Variants in BCR observed in about 807,000 individuals in gnomAD.
BCR encodes BCR activator of RhoGEF and GTPase.
A neutral mutation model predicts 138.6 loss-of-function variants in BCR; 58 were observed. The observed-to-expected ratio is 0.42, with a 90% CI of 0.34 to 0.52. BCR has a LOEUF of 0.52. Ranked by LOEUF, BCR falls within the 20% of genes least tolerant of loss-of-function variation. The pLI, the probability that BCR is intolerant of heterozygous loss-of-function variation, is 0.06. For synonymous variants in BCR, 786 were observed against 730.1 expected, an observed-to-expected ratio of 1.08 and a Z score of -1.23; for missense variants, 1,599 against 1,727.2, an observed-to-expected ratio of 0.93 and a Z score of 1.32.
At chr22:23,203,013 A>G (rs1396462433) in intron 1 of BCR, among the ~76,000 whole-genome samples, 1 of 151,938 alleles carries the variant, frequency 6.6e-6, no homozygotes, top group African/African-American at 2.4e-5. Context: ...GCACATCACT[A>G]CACTCATCTG....
chr22:23,182,334 G>T, intron 1 of BCR, 95 bp downstream of exon 1: 15 of 1,374,752 alleles, frequency 1.1e-5, no homozygotes, highest in Non-Finnish European at 1.4e-5. Context: ...GGAGGGAGGA[G>T]TGGATAGTTT....
rs139069908 is a variant in BCR at position 23,296,682 on chromosome 22, C to T, written c.3012+1527C>T. 6.7e-3 allele frequency among the ~76,000 whole-genome samples: 1,024 copies of T among 152,348 alleles called. 9 individuals are homozygous for T. The highest frequency in any genetic ancestry group is 0.021 in the South Asian group (102 of 4,828). On this transcript the variant is annotated intron_variant, in intron 16 of 22. Coordinates refer to ENST00000305877, the MANE Select transcript of BCR (RefSeq NM_004327.4). ...AGCAAAAAGACTCCTCTGGCACATG[C>T]CTGTATTCCAGCTACTCAGGACGCT...
At chr22:23,183,179 T>C (rs1376304627) in intron 1 of BCR, among the ~76,000 whole-genome samples, 1 of 152,220 alleles carries the variant, frequency 6.6e-6, no homozygotes, top group Non-Finnish European at 1.5e-5. Context: ...TTTTGGGTCA[T>C]GGGACTATGT....
intron 1 of BCR, among the ~76,000 whole-genome samples, chr22:23,205,083 A>T (rs570339615): frequency 6.6e-6 from 1 of 152,218 alleles, no homozygotes. Context: ...ACAGCCTCCC[A>T]GCCTTTTGCA....
intron 8 of BCR, among the ~76,000 whole-genome samples, chr22:23,275,482 C>A (rs561689497): frequency 1.3e-5 from 2 of 152,194 alleles, no homozygotes; most frequent in African/African-American, 4.8e-5. Flanking sequence ...GCATTGAAGG[C>A]GGAAGTGGGT....
chr22:23,272,105 A>G (rs1181877722), intron 6 of BCR, among the ~76,000 whole-genome samples: 1 of 152,192 alleles, frequency 6.6e-6, no homozygotes, highest in Non-Finnish European at 1.5e-5. Flanking sequence ...GGTGTGAGCT[A>G]CCGCACCTGG....
At position 23,219,326 on chromosome 22, in the gene BCR, T is replaced by G. The variant is rs898239193; in HGVS notation, c.1280-34473T>G. Among the ~76,000 whole-genome samples the G allele has an allele frequency of 1.2e-4, 18 of 152,186 alleles. 1 individual carries two copies. Among genetic ancestry groups the G allele is most frequent in the Admixed American group, 2.6e-4 (4 of 15,284 alleles). On this transcript the variant is annotated intron_variant, in intron 1 of 22. Transcript: ENST00000305877. Reference sequence around the variant, plus strand: ...TGGCATTTTCAAGCTCTGTTCCTTATGTTAGACGATGTTGTTTTAGCACAA... The same window carrying G: ...TGGCATTTTCAAGCTCTGTTCCTTAGGTTAGACGATGTTGTTTTAGCACAA...
chr22:23,285,340 T>G, intron 10 of BCR, 139 bp downstream of exon 10: 1 of 941,632 alleles, frequency 1.1e-6, no homozygotes, highest in Non-Finnish European at 1.5e-6. Flanking sequence ...CTCTCAGCTC[T>G]TGGAGGGCTG....
chr22:23,309,697 C>T, intron 17 of BCR: 1 of 573,736 alleles, frequency 1.7e-6, no homozygotes, highest in Non-Finnish European at 3.2e-6. Flanking sequence ...CCTGAGCATC[C>T]CTCCTCAAAC....
rs768981157 is a variant in BCR at position 23,229,124 on chromosome 22, A to G, written c.1280-24675A>G. On this transcript the variant is annotated intron_variant, in intron 1 of 22. Transcript: ENST00000305877. Reference sequence around the variant, plus strand: ...ATCTATCTTTAAGTTCACTGACTCCATTGTCATCTCCATTCTGCTGTTGAA... The same window carrying G: ...ATCTATCTTTAAGTTCACTGACTCCGTTGTCATCTCCATTCTGCTGTTGAA... 2.6e-5 allele frequency among the ~76,000 whole-genome samples: 4 copies of G among 151,738 alleles called. No homozygotes were observed. The South Asian group carries it at 6.2e-4, about 24-fold the overall frequency.
At chr22:23,204,205 CATCCCAGCTCATGGATTATGGAGCTG>C (rs71749291) in intron 1 of BCR, among the ~76,000 whole-genome samples, 160 of 152,280 alleles carry the variant, frequency 1.1e-3, no homozygotes, top group African/African-American at 3.7e-3. Flanking sequence ...CAGTTTTAGC[CATCCCAGCTCATGGATTATGGAGCTG>C]GGACCCACGC....
chr22:23,207,062 C>T (rs2072625654), intron 1 of BCR, among the ~76,000 whole-genome samples: 1 of 151,502 alleles, frequency 6.6e-6, no homozygotes, highest in Non-Finnish European at 1.5e-5. Context: ...TCCATCCAAA[C>T]ATGCATCCAT....
intron 16 of BCR, among the ~76,000 whole-genome samples, chr22:23,296,539 G>T (rs1329900686): frequency 6.6e-6 from 1 of 152,162 alleles, no homozygotes; most frequent in African/African-American, 2.4e-5. Flanking sequence ...ACCCTGGCCT[G>T]GCTGGCCACA....
At chr22:23,285,368 A>T (rs1209059091) in intron 10 of BCR, among the ~76,000 whole-genome samples, 167 bp downstream of exon 10, 1 of 152,200 alleles carries the variant, frequency 6.6e-6, no homozygotes, top group Non-Finnish European at 1.5e-5. Flanking sequence ...GGGCACAACT[A>T]GGTGTCCAGT....
In BCR at chr22:23,273,841, G is replaced by A. The variant is rs150447010; in HGVS notation, c.2115+67G>A. On this transcript the variant is annotated intron_variant, in intron 8 of 22. Coordinates refer to ENST00000305877, the MANE Select transcript of BCR (RefSeq NM_004327.4). Reference sequence around the variant, plus strand: ...GAGCTGGGGGCATGCAGGGCCCCTCGATCTGAGGTCTGGAGCCCTTCCTGG... The same window carrying A: ...GAGCTGGGGGCATGCAGGGCCCCTCAATCTGAGGTCTGGAGCCCTTCCTGG... The A allele has an allele frequency of 2.0e-4, 313 of 1,596,190 alleles. No individual in the cohort carries two copies. The African/African-American group carries it at 3.5e-3, about 18-fold the overall frequency.
chr22:23,240,218 G>A (rs2073073464), intron 1 of BCR, among the ~76,000 whole-genome samples: 1 of 152,014 alleles, frequency 6.6e-6, no homozygotes. Context: ...TAGGACTTCA[G>A]CATATGAATT....
intron 8 of BCR, among the ~76,000 whole-genome samples, chr22:23,275,945 G>C (rs1031952810): frequency 6.6e-6 from 1 of 152,172 alleles, no homozygotes; most frequent in African/African-American, 2.4e-5. Context: ...TCAGTGCTCG[G>C]ATCATTGGAA....
At chr22:23,223,417 G>A (rs1187780386) in intron 1 of BCR, among the ~76,000 whole-genome samples, 1 of 152,172 alleles carries the variant, frequency 6.6e-6, no homozygotes, top group Non-Finnish European at 1.5e-5. Context: ...CTTGAGGCTG[G>A]GCTTTGGGCT....
chr22:23,180,988 G>C lies in BCR; in HGVS notation c.28G>C (p.Ala10Pro). ...GGTGGACCCGGTGGGCTTCGCGGAG[G>C]CGTGGAAGGCGCAGTTCCCGGACTC... The part of the protein sequence containing the change: MVDPVGFAE[A>P]WKAQFPDSEP... Residue 10 changes from alanine to proline, a missense_variant, in exon 1 of 23, where the codon GCG becomes CCG. This residue lies in a region of BCR where 806 missense variants were observed against 635.0 expected (regional missense o/e 1.27). Coordinates refer to ENST00000305877, the MANE Select transcript of BCR (RefSeq NM_004327.4). The C allele has an allele frequency of 6.9e-7, 1 of 1,441,672 alleles. No individual in the cohort carries two copies. The allele number at this position is 1,441,672 out of a possible 1,614,324, so 89.3% of individuals were successfully genotyped here.
Sources: gnomAD v4.1 joint callset for allele counts (sites outside exome capture counted in the v4.1 genomes callset) on GRCh38, gnomAD v4.1.1 for gene constraint, gnomAD v4.1.1 regional missense constraint, MANE v1.5 for transcripts, NCBI Gene and HGNC (gene_info 2026-07-23, HGNC 2026-07-21) for gene names.